Variants in ULK4 observed in about 807,000 individuals in gnomAD.
ULK4 encodes unc-51 like kinase 4, also known as inactive serine/threonine-protein kinase ULK4.
Under a neutral mutation model 160.6 loss-of-function variants are expected in ULK4, and 133 were observed. That is an observed-to-expected ratio of 0.83 (90% CI 0.72 to 0.96). The LOEUF (loss-of-function observed/expected upper bound fraction) is 0.96, where lower values mean the gene tolerates loss of function less well. Ranked by LOEUF, ULK4 falls within the 40% of genes least tolerant of loss-of-function variation. The pLI is 0.00. For synonymous variants in ULK4, 534 were observed against 539.8 expected, an observed-to-expected ratio of 0.99 and a Z score of 0.15; for missense variants, 1,580 against 1,499.5, an observed-to-expected ratio of 1.05 and a Z score of -0.89.
At chr3:41,586,461 A>G (rs1262724995) in intron 31 of ULK4, among the ~76,000 whole-genome samples, 1 of 152,188 alleles carries the variant, frequency 6.6e-6, no homozygotes, top group Non-Finnish European at 1.5e-5. Context: ...TAGAAACAGA[A>G]AGTAGACAGG....
intron 22 of ULK4, among the ~76,000 whole-genome samples, chr3:41,734,091 T>G (rs1263546897): frequency 6.6e-6 from 1 of 151,688 alleles, no homozygotes; most frequent in Non-Finnish European, 1.5e-5. Context: ...ATTACTGGGG[T>G]GGGGGGAGCT....
intron 16 of ULK4, among the ~76,000 whole-genome samples, chr3:41,889,895 T>C (rs1262452033): frequency 1.3e-5 from 2 of 152,216 alleles, no homozygotes; most frequent in Non-Finnish European, 2.9e-5. Context: ...CAAAATGTGG[T>C]ATAGCCACAC....
At chr3:41,887,807 G>C (rs1026590050) in intron 16 of ULK4, among the ~76,000 whole-genome samples, 6 of 151,342 alleles carry the variant, frequency 4.0e-5, no homozygotes, top group Non-Finnish European at 8.8e-5. Context: ...CTGGGTGACA[G>C]AGTAAGACTC....
At chr3:41,422,083 T>C (rs922691263) in intron 34 of ULK4, among the ~76,000 whole-genome samples, 2 of 151,944 alleles carry the variant, frequency 1.3e-5, no homozygotes, top group African/African-American at 4.8e-5. Context: ...AAGAGAAAAA[T>C]GTTTCCTCTT....
At chr3:41,483,652 T>C (rs1185826748) in intron 32 of ULK4, among the ~76,000 whole-genome samples, 1 of 152,120 alleles carries the variant, frequency 6.6e-6, no homozygotes, top group Non-Finnish European at 1.5e-5. Flanking sequence ...TGAATAATGC[T>C]CCCCCACCCC....
chr3:41,482,971 A>T (rs917279743), intron 32 of ULK4, among the ~76,000 whole-genome samples: 2 of 152,148 alleles, frequency 1.3e-5, no homozygotes, highest in African/African-American at 4.8e-5. Flanking sequence ...ATCAGGGTAA[A>T]TGGTATAGCC....
intron 11 of ULK4, among the ~76,000 whole-genome samples, chr3:41,909,918 C>T (rs1285752562): frequency 3.3e-5 from 5 of 150,830 alleles, no homozygotes; most frequent in Non-Finnish European, 5.9e-5. Flanking sequence ...TTTTTTGAGA[C>T]GGTGTTTCGC....
In ULK4 at chr3:41,911,585, T is replaced by C; in HGVS notation, c.971A>G (p.Lys324Arg). The C allele has an allele frequency of 1.2e-6, 2 of 1,614,068 alleles. No individual in the cohort carries two copies. Among genetic ancestry groups the C allele is most frequent in the Non-Finnish European group, 1.7e-6 (2 of 1,180,026 alleles). The part of the protein sequence containing the change: ...LLQNSQSRQA[K>R]GHKSGQPLGH... ...TAGTGGTTGACCACTCTTGTGCCCTTTTGCTTGTCTACTCTGAGAGTTCTG... is the reference window on the plus strand; with the variant it reads ...TAGTGGTTGACCACTCTTGTGCCCTCTTGCTTGTCTACTCTGAGAGTTCTG... The change falls in exon 10 of 37, where the codon AAA (lysine) becomes AGA (arginine). Residue 324 changes from lysine to arginine, a missense_variant. Transcript: ENST00000301831.
chr3:41,812,721 A>G (rs949312023), intron 19 of ULK4, among the ~76,000 whole-genome samples: 2 of 152,210 alleles, frequency 1.3e-5, no homozygotes, highest in Non-Finnish European at 2.9e-5. Context: ...CTGAGTCTGA[A>G]GACTTACCCT....
At chr3:41,383,529 G>A (rs1297311177) in intron 35 of ULK4, among the ~76,000 whole-genome samples, 2 of 152,188 alleles carry the variant, frequency 1.3e-5, no homozygotes, top group African/African-American at 4.8e-5. Context: ...GAAGCATTCT[G>A]CGCAGCAAAA....
intron 19 of ULK4, among the ~76,000 whole-genome samples, chr3:41,806,645 C>G (rs1194123681): frequency 6.6e-6 from 1 of 152,110 alleles, no homozygotes; most frequent in African/African-American, 2.4e-5. Context: ...TCCCTCTACA[C>G]ACTGCTTTGA....
chr3:41,388,890 A>T (rs1332666816), intron 35 of ULK4, among the ~76,000 whole-genome samples: 3 of 152,232 alleles, frequency 2.0e-5, no homozygotes, highest in Non-Finnish European at 2.9e-5. Flanking sequence ...ACTTGAAAGT[A>T]GTTTTTTCCA....
chr3:41,328,955 T>C (rs2080389494), intron 35 of ULK4, among the ~76,000 whole-genome samples: 1 of 151,768 alleles, frequency 6.6e-6, no homozygotes, highest in African/African-American at 2.4e-5. Context: ...ATTTTGTTTA[T>C]AGTTCTACGA....
intron 34 of ULK4, among the ~76,000 whole-genome samples, chr3:41,421,404 A>G (rs2082661137): frequency 6.6e-6 from 1 of 152,154 alleles, no homozygotes; most frequent in African/African-American, 2.4e-5. Flanking sequence ...GAGTTTCTTT[A>G]TTTAAAATGT....
intron 27 of ULK4, among the ~76,000 whole-genome samples, chr3:41,687,408 A>G (rs2036139156): frequency 6.6e-6 from 1 of 152,096 alleles, no homozygotes; most frequent in South Asian, 2.1e-4. Flanking sequence ...AAATTTAAAT[A>G]ATAAATAATA....
At chr3:41,796,640 G>A (rs1330067460) in intron 20 of ULK4, among the ~76,000 whole-genome samples, 1 of 151,918 alleles carries the variant, frequency 6.6e-6, no homozygotes, top group Non-Finnish European at 1.5e-5. Flanking sequence ...GAATTCTGAG[G>A]TATTAAAATT....
intron 17 of ULK4, among the ~76,000 whole-genome samples, chr3:41,855,910 A>G (rs1379440086): frequency 6.6e-6 from 1 of 152,228 alleles, no homozygotes; most frequent in Admixed American, 6.5e-5. Context: ...CAGCAAAGGT[A>G]CATTCATAGC....
intron 22 of ULK4, among the ~76,000 whole-genome samples, chr3:41,746,515 G>C (rs2038430196): frequency 6.6e-6 from 1 of 150,488 alleles, no homozygotes; most frequent in South Asian, 2.1e-4. Flanking sequence ...TAAATAAATA[G>C]AGAGAGACAC....
chr3:41,833,284 TTG>T (rs1328784539), intron 18 of ULK4, among the ~76,000 whole-genome samples: 104 of 137,502 alleles, frequency 7.6e-4, no homozygotes, highest in African/African-American at 2.8e-3. Context: ...GTTTTTTTTT[TTG>T]TTTTTTTTTT....
Sources: gnomAD v4.1 joint callset for allele counts (sites outside exome capture counted in the v4.1 genomes callset) on GRCh38, gnomAD v4.1.1 for gene constraint, MANE v1.5 for transcripts, NCBI Gene and HGNC (gene_info 2026-07-23, HGNC 2026-07-21) for gene names.